The following CCDC30 variants were observed in gnomAD, a reference collection of about 807,000 sequenced individuals.
CCDC30 encodes coiled-coil domain-containing protein 30.
CCDC30 carries 70 observed loss-of-function variants against 100.2 expected under a neutral mutation model. That is an observed-to-expected ratio of 0.70 (90% CI 0.58 to 0.85). The LOEUF (loss-of-function observed/expected upper bound fraction) is 0.85. CCDC30 is among the 40% of genes least tolerant of loss of function. The pLI is 0.00. For missense variants in CCDC30, 652 were observed against 771.2 expected (o/e 0.85, Z 1.83); for synonymous variants, 233 against 269.5 (o/e 0.86, Z 1.33).
At chr1:42,514,950 GC>G (rs59464083) in intron 6 of CCDC30, among the ~76,000 whole-genome samples, 30,508 of 152,144 alleles carry the variant, frequency 0.2, 3,336 homozygotes, top group South Asian at 0.42. Context: ...ACTGTGCTTG[GC>G]CTCTTAGGTG....
chr1:42,627,618 G>T (rs1158755516), intron 11 of CCDC30, among the ~76,000 whole-genome samples: 1 of 152,148 alleles, frequency 6.6e-6, no homozygotes, highest in South Asian at 2.1e-4. Context: ...CCCATACTGT[G>T]TTCAGCCTAG....
chr1:42,619,333 A>G (rs754547313), intron 11 of CCDC30, among the ~76,000 whole-genome samples: 2 of 152,234 alleles, frequency 1.3e-5, no homozygotes, highest in Non-Finnish European at 2.9e-5. Flanking sequence ...AAACGCATTT[A>G]AGGGTAAGAC....
chr1:42,515,005 C>T (rs1181186240), intron 6 of CCDC30, among the ~76,000 whole-genome samples: 1 of 152,068 alleles, frequency 6.6e-6, no homozygotes, highest in East Asian at 1.9e-4. Flanking sequence ...AGTCCTAACC[C>T]CCAGGACCTG....
At chr1:42,559,879 A>G (rs1409168676) in intron 6 of CCDC30, among the ~76,000 whole-genome samples, 1 of 152,174 alleles carries the variant, frequency 6.6e-6, no homozygotes, top group African/African-American at 2.4e-5. Context: ...AAAATCGACC[A>G]CATAATTGGA....
intron 7 of CCDC30, among the ~76,000 whole-genome samples, chr1:42,572,629 A>ATTTTTTTTTTTTTTTTTTTT (rs1015946376): frequency 6.6e-6 from 1 of 151,996 alleles, no homozygotes; most frequent in South Asian, 2.1e-4. Flanking sequence ...TTGCTTATTT[A>ATTTTTTTTTTTTTTTTTTTT]TTTTTGAGAT....
intron 6 of CCDC30, among the ~76,000 whole-genome samples, chr1:42,501,908 C>T (rs1644319117): frequency 6.6e-6 from 1 of 152,166 alleles, no homozygotes; most frequent in African/African-American, 2.4e-5. Flanking sequence ...TGTCAGGGAC[C>T]CAATTGAGGA....
chr1:42,471,228 TC>T (rs1264836545), intron 1 of CCDC30, among the ~76,000 whole-genome samples: 2 of 152,148 alleles, frequency 1.3e-5, no homozygotes, highest in East Asian at 3.8e-4. Context: ...AAGGATCAGA[TC>T]CAAAGGTATT....
intron 10 of CCDC30, among the ~76,000 whole-genome samples, chr1:42,608,229 C>G (rs1404897098): frequency 6.6e-6 from 1 of 152,176 alleles, no homozygotes; most frequent in Non-Finnish European, 1.5e-5. Context: ...ACACACGGTA[C>G]TCTATGGAAA....
At position 42,636,113 on chromosome 1, in the gene CCDC30, A is replaced by G. The variant is rs79406285; in HGVS notation, c.1278-1124A>G. Among the ~76,000 whole-genome samples, 618 of 152,198 alleles carry G rather than the reference A, an allele frequency of 4.1e-3. 6 individuals are homozygous for G. The highest frequency in any genetic ancestry group is 0.014 in the African/African-American group (592 of 41,514). ...AGAATCAGAGTCTTGAAAGTGACCTATATGGAACTGGCTTTTAGAAGTCCA... is the reference window on the plus strand; with the variant it reads ...AGAATCAGAGTCTTGAAAGTGACCTGTATGGAACTGGCTTTTAGAAGTCCA... On this transcript the variant is annotated intron_variant, in intron 11 of 16. Transcript: ENST00000668663.
chr1:42,486,698 A>T (rs562698753), intron 3 of CCDC30, among the ~76,000 whole-genome samples: 1 of 152,210 alleles, frequency 6.6e-6, no homozygotes, highest in East Asian at 1.9e-4. Flanking sequence ...ATTTTGCTTT[A>T]TCCTTTTGCT....
rs71065186 is a variant in CCDC30, at chr1:42,575,649, C to CAAAAA, written c.637-1366_637-1362dup. The stretch of plus-strand genomic sequence containing the variant: ...TGGGCGACAGAGAGAGACCCTGTCT[C>CAAAAA]AAAAAAAAAGAAGCAAACAAACAAA... On this transcript the variant is annotated intron_variant, in intron 7 of 16. Transcript: ENST00000668663. Among the ~76,000 whole-genome samples the CAAAAA allele has an allele frequency of 1.5e-3, 112 of 76,948 alleles. 10 individuals are homozygous for CAAAAA. Among genetic ancestry groups the CAAAAA allele is most frequent in the South Asian group, 5.7e-3 (8 of 1,392 alleles). 50.5% of individuals were successfully genotyped at this position (76,948 alleles called of 152,430 possible).
chr1:42,582,681 T>C (rs2148594818), intron 9 of CCDC30, among the ~76,000 whole-genome samples: 2 of 152,334 alleles, frequency 1.3e-5, no homozygotes, highest in Admixed American at 1.3e-4. Context: ...CCTTTGAGCA[T>C]CACAAAAAAC....
intron 3 of CCDC30, 131 bp from the exon 4 acceptor site, chr1:42,490,027 G>C (rs2148465258): frequency 2.8e-6 from 1 of 352,736 alleles, no homozygotes; most frequent in Admixed American, 4.8e-5. Context: ...CTGAGGAGCT[G>C]ACATTTAAGC....
At chr1:42,522,741 G>A (rs1334004952) in intron 6 of CCDC30, among the ~76,000 whole-genome samples, 2 of 152,230 alleles carry the variant, frequency 1.3e-5, no homozygotes, top group East Asian at 3.9e-4. Flanking sequence ...CAATTATGTG[G>A]AAGCCAAAAT....
At chr1:42,562,023 C>T (rs1216640915) in intron 6 of CCDC30, among the ~76,000 whole-genome samples, 1 of 152,138 alleles carries the variant, frequency 6.6e-6, no homozygotes, top group Non-Finnish European at 1.5e-5. Context: ...GGAAAATGGC[C>T]ATACTGACCA....
chr1:42,538,170 A>C (rs1294352357), intron 6 of CCDC30, among the ~76,000 whole-genome samples: 1 of 116,672 alleles, frequency 8.6e-6, no homozygotes, highest in Non-Finnish European at 2.1e-5. Flanking sequence ...AAAAAAAAAA[A>C]AAAAAAAAAA....
chr1:42,503,449 C>T (rs945591694), intron 6 of CCDC30, among the ~76,000 whole-genome samples: 1 of 152,160 alleles, frequency 6.6e-6, no homozygotes, highest in Admixed American at 6.5e-5. Flanking sequence ...CAGATTGGTT[C>T]AACTAGGTGT....
intron 1 of CCDC30, among the ~76,000 whole-genome samples, chr1:42,474,853 A>G (rs922499846): frequency 1.2e-4 from 19 of 152,178 alleles, no homozygotes; most frequent in Admixed American, 9.2e-4. Flanking sequence ...TCTACCTGTT[A>G]TTATGCACAT....
At chr1:42,620,411 T>G (rs1191212890) in intron 11 of CCDC30, among the ~76,000 whole-genome samples, 1 of 152,114 alleles carries the variant, frequency 6.6e-6, no homozygotes, top group Non-Finnish European at 1.5e-5. Flanking sequence ...CAAGCTTTTA[T>G]AAAACTAGAA....
Sources: allele counts gnomAD v4.1 joint callset (sites outside exome capture counted in the v4.1 genomes callset), GRCh38; gene constraint gnomAD v4.1.1; transcripts MANE v1.5; gene names NCBI Gene and HGNC (gene_info 2026-07-23, HGNC 2026-07-21).